OPCML: variants seen among roughly 807,000 people sequenced by gnomAD.
OPCML encodes opioid binding protein/cell adhesion molecule like.
In OPCML, 13 loss-of-function variants were observed where a neutral mutation model predicts 37.8. The ratio of observed to expected loss-of-function variants is 0.34; its 90% CI spans 0.22 to 0.55. The LOEUF is 0.55. Among genes scored for constraint, OPCML ranks in the 20% least tolerant of loss-of-function variants. The pLI, the probability that OPCML is intolerant of heterozygous loss-of-function variation, is 0.91. For missense variants in OPCML, 341 were observed against 435.6 expected, an observed-to-expected ratio of 0.78 and a Z score of 1.93; for synonymous variants, 176 against 168.8, an observed-to-expected ratio of 1.04 and a Z score of -0.33.
chr11:133,118,937 G>A (rs1302664484), intron 1 of OPCML, among the ~76,000 whole-genome samples: 1 of 152,246 alleles, frequency 6.6e-6, no homozygotes, highest in Non-Finnish European at 1.5e-5. Context: ...TAAAATAGCA[G>A]TAATTTGGCA....
chr11:132,895,602 G>C (rs553799025), intron 2 of OPCML, among the ~76,000 whole-genome samples: 1 of 152,302 alleles, frequency 6.6e-6, no homozygotes, highest in African/African-American at 2.4e-5. Context: ...GGGATGTGTG[G>C]GAGGGCTCTG....
intron 1 of OPCML, among the ~76,000 whole-genome samples, chr11:133,414,767 T>C (rs985479556): frequency 7.2e-5 from 11 of 152,156 alleles, no homozygotes; most frequent in Non-Finnish European, 1.5e-4. Flanking sequence ...GAACAGACTG[T>C]GCCATTTGAA....
At chr11:133,073,946 C>T (rs1159369469) in intron 1 of OPCML, among the ~76,000 whole-genome samples, 1 of 152,192 alleles carries the variant, frequency 6.6e-6, no homozygotes, top group East Asian at 1.9e-4. Flanking sequence ...GTAAATAGCA[C>T]ACCCTGGGAT....
At chr11:133,427,496 T>C (rs1435998508) in intron 1 of OPCML, among the ~76,000 whole-genome samples, 1 of 152,042 alleles carries the variant, frequency 6.6e-6, no homozygotes, top group Non-Finnish European at 1.5e-5. Context: ...TTAAATGCTT[T>C]ACTATTAGAA....
chr11:133,007,695 A>C, intron 1 of OPCML: 1 of 985,442 alleles, frequency 1.0e-6, no homozygotes, highest in Non-Finnish European at 1.2e-6. Flanking sequence ...TGAAGAAATT[A>C]AGCCAGAAAA....
At chr11:133,398,482 C>T (rs1945334137) in intron 1 of OPCML, among the ~76,000 whole-genome samples, 1 of 152,146 alleles carries the variant, frequency 6.6e-6, no homozygotes, top group African/African-American at 2.4e-5. Context: ...TTAATATTTG[C>T]TGAATGAATG....
At chr11:132,603,460 A>C (rs73049175) in intron 3 of OPCML, among the ~76,000 whole-genome samples, 18,855 of 152,108 alleles carry the variant, frequency 0.12, 1,922 homozygotes, top group African/African-American at 0.26. Context: ...TCCATACATT[A>C]TTCTGTATCT....
Position 133,314,223 on chromosome 11 carries a change from A to G in OPCML, c.61+218041T>C, listed in dbSNP as rs1380844647. On this transcript the variant is annotated intron_variant, in intron 1 of 7. Transcript: ENST00000524381. ...GCACTCCAGCCTGGGCTACAGCGAG[A>G]CTCCGTCTCAAAAAAAAAAAAAAAA... Among the ~76,000 whole-genome samples, 5 of 111,690 alleles carry G rather than the reference A, an allele frequency of 4.5e-5. No individual in the cohort carries two copies. The Admixed American group carries it at 6.2e-4, about 14-fold the overall frequency. The allele number at this position is 111,690 out of a possible 152,430, so 73.3% of individuals were successfully genotyped here. A position where few individuals can be genotyped will look rare whatever the true frequency, so the allele number is the denominator to read the frequency against.
At chr11:132,961,406 T>C (rs1356146605) in intron 1 of OPCML, among the ~76,000 whole-genome samples, 1 of 152,176 alleles carries the variant, frequency 6.6e-6, no homozygotes, top group African/African-American at 2.4e-5. Context: ...GTGTCTGACA[T>C]GGCCGTTCTG....
intron 2 of OPCML, among the ~76,000 whole-genome samples, chr11:132,686,927 T>C (rs1943185063): frequency 6.6e-6 from 1 of 152,132 alleles, no homozygotes; most frequent in Admixed American, 6.5e-5. Context: ...ATAAGCAGAA[T>C]GTCTGGCTGC....
At chr11:133,296,630 C>T (rs776154227) in intron 1 of OPCML, among the ~76,000 whole-genome samples, 6 of 152,324 alleles carry the variant, frequency 3.9e-5, no homozygotes, top group Middle Eastern at 3.4e-3. Context: ...GCTTCCAACT[C>T]CTGCGTAGAA....
intron 1 of OPCML, among the ~76,000 whole-genome samples, chr11:133,021,105 A>G (rs1397641237): frequency 1.3e-5 from 2 of 152,280 alleles, no homozygotes; most frequent in African/African-American, 2.4e-5. Context: ...GGAGACATTT[A>G]TCAAGCATTC....
Position 133,492,370 on chromosome 11 carries a change from GACGAA to G in OPCML, c.61+39889_61+39893del, listed in dbSNP as rs1565664981. The stretch of plus-strand genomic sequence containing the variant: ...TCTTTTAGTACTTAATCCCCTAGGA[GACGAA>G]ACTCTCATTCCAAATCAGCTTTTCA... On this transcript the variant is annotated intron_variant, in intron 1 of 7. Transcript: ENST00000524381. 2.0e-5 allele frequency among the ~76,000 whole-genome samples: 3 copies of G among 152,220 alleles called. No individual in the cohort carries two copies. The East Asian group carries it at 5.8e-4, about 29-fold the overall frequency.
intron 4 of OPCML, among the ~76,000 whole-genome samples, chr11:132,441,660 T>C (rs1202185958): frequency 6.6e-6 from 1 of 152,172 alleles, no homozygotes; most frequent in Non-Finnish European, 1.5e-5. Context: ...AGAAAGCAGA[T>C]TCTGAATCAC....
intron 2 of OPCML, among the ~76,000 whole-genome samples, chr11:132,919,095 A>C (rs79534298): frequency 0.016 from 2,379 of 152,318 alleles, 65 homozygotes; most frequent in African/African-American, 0.054. Context: ...TGAGAGTATA[A>C]GTAGATAGAT....
At chr11:133,531,017 C>T (rs1379997229) in intron 1 of OPCML, among the ~76,000 whole-genome samples, 1 of 152,196 alleles carries the variant, frequency 6.6e-6, no homozygotes, top group Non-Finnish European at 1.5e-5. Context: ...CTTAGCATTC[C>T]TGTCTGTGTA....
intron 1 of OPCML, among the ~76,000 whole-genome samples, chr11:133,284,739 G>T (rs920082082): frequency 2.0e-5 from 3 of 152,118 alleles, no homozygotes; most frequent in African/African-American, 7.2e-5. Flanking sequence ...GTAAGTCTCG[G>T]TTTTTAGCAT....
intron 2 of OPCML, among the ~76,000 whole-genome samples, chr11:132,827,626 T>C (rs1940431631): frequency 6.6e-6 from 1 of 152,170 alleles, no homozygotes; most frequent in Non-Finnish European, 1.5e-5. Flanking sequence ...CTTTTGTTGT[T>C]GTTGTTTTTG....
In OPCML at chr11:133,109,025, C is replaced by A. The variant is rs182150734; in HGVS notation, c.62-166015G>T. Among the ~76,000 whole-genome samples, 146 of 152,264 alleles carry A rather than the reference C, an allele frequency of 9.6e-4. 1 individual carries two copies. The highest frequency in any genetic ancestry group is 1.6e-3 in the Admixed American group (24 of 15,292). On this transcript the variant is annotated intron_variant, in intron 1 of 7. Transcript: ENST00000524381. The stretch of plus-strand genomic sequence containing the variant: ...CGTTTACCTGTTTTGCTCTCTAGGT[C>A]CACTCTTAATGTCTTTACTGGGTTT...
Sources: gnomAD v4.1 joint callset for allele counts (sites outside exome capture counted in the v4.1 genomes callset) on GRCh38, gnomAD v4.1.1 for gene constraint, MANE v1.5 for transcripts, NCBI Gene and HGNC (gene_info 2026-07-23, HGNC 2026-07-21) for gene names.